Variants in CENPP observed in about 807,000 individuals in gnomAD.
The protein encoded by CENPP is centromere protein P.
In CENPP, 24 loss-of-function variants were observed where a neutral mutation model predicts 35.6. That is an observed-to-expected ratio of 0.67 (90% CI 0.49 to 0.95). The LOEUF is 0.95. Ranked by LOEUF, CENPP falls within the 40% of genes least tolerant of loss-of-function variation. The probability of loss-of-function intolerance (pLI) is 0.00; values close to 1 mark genes in which losing one functional copy is unlikely to be tolerated. For synonymous variants in CENPP, 120 were observed against 125.5 expected (o/e 0.96, Z 0.29); for missense variants, 332 against 345.3 (o/e 0.96, Z 0.31).
In CENPP at chr9:92,522,232, A is replaced by C. The variant is rs1426961249; in HGVS notation, c.565-89082A>C. ...CTCCCGAGTAGCTGGGATTACAGGT[A>C]CATGCCACCACACCCGGCTAATTTT... is the stretch of plus-strand genomic sequence containing the variant. On this transcript the variant is annotated intron_variant, in intron 5 of 7. Coordinates refer to ENST00000375587, the MANE Select transcript of CENPP (RefSeq NM_001012267.3). 2.0e-5 allele frequency among the ~76,000 whole-genome samples: 3 copies of C among 151,844 alleles called. No individual in the cohort carries two copies. The East Asian group carries it at 5.8e-4, about 29-fold the overall frequency.
intron 5 of CENPP, among the ~76,000 whole-genome samples, chr9:92,396,257 CTGTACCTT>C (rs1312988191): frequency 6.6e-6 from 1 of 152,042 alleles, no homozygotes; most frequent in African/African-American, 2.4e-5. Context: ...GTCTTGATTC[CTGTACCTT>C]TGTAACAGTC....
chr9:92,416,563 T>A, intron 5 of CENPP: 1 of 1,134,850 alleles, frequency 8.8e-7, no homozygotes, highest in East Asian at 2.5e-5. Context: ...TTTTTTTCTT[T>A]AAAAGATCAG....
At position 92,365,963 on chromosome 9, in the gene CENPP, G is replaced by A. The variant is rs542292024; in HGVS notation, c.468-13800G>A. ...TGGGAGGCCAAGGCGGGCGGATCAC[G>A]AGGTCAGGAGATCGAGACCATCCTG... On this transcript the variant is annotated intron_variant, in intron 4 of 7. Transcript: ENST00000375587. Among the ~76,000 whole-genome samples, 941 of 151,474 alleles carry A rather than the reference G, an allele frequency of 6.2e-3. 10 individuals carry two copies. The highest frequency in any genetic ancestry group is 0.022 in the African/African-American group (896 of 41,422).
Position 92,371,637 on chromosome 9 carries a change from G to A in CENPP, c.468-8126G>A, listed in dbSNP as rs1842006322. Among the ~76,000 whole-genome samples, 5 of 152,226 alleles carry A rather than the reference G, an allele frequency of 3.3e-5. No individual in the cohort carries two copies. In the Middle Eastern group the frequency reaches 0.014, roughly 414 times the overall value. On this transcript the variant is annotated intron_variant, in intron 4 of 7. Transcript: ENST00000375587. Reference sequence around the variant, plus strand: ...GTCTGTTAGGTCCATTTGGTCTAAAGTCCAATTTAAATCCAATGTTTTTTG... The same window carrying A: ...GTCTGTTAGGTCCATTTGGTCTAAAATCCAATTTAAATCCAATGTTTTTTG...
intron 5 of CENPP, among the ~76,000 whole-genome samples, chr9:92,597,471 T>G (rs1471863116): frequency 1.3e-5 from 2 of 152,220 alleles, no homozygotes; most frequent in African/African-American, 2.4e-5. Flanking sequence ...ACAGCATTAC[T>G]TTGAGATTTA....
At chr9:92,517,606 TA>T in intron 5 of CENPP, 1 of 1,578,898 alleles carries the variant, frequency 6.3e-7, no homozygotes, top group South Asian at 1.1e-5. Flanking sequence ...ATCATAATTT[TA>T]ATCTAAAATT....
chr9:92,561,571 A>G (rs1426246179), intron 5 of CENPP, among the ~76,000 whole-genome samples: 1 of 152,218 alleles, frequency 6.6e-6, no homozygotes, highest in Admixed American at 6.5e-5. Flanking sequence ...AGAAAACCAC[A>G]TTTGGCATTT....
At position 92,616,963 on chromosome 9, in the gene CENPP, G is replaced by C. The variant is rs937056130; in HGVS notation, c.*3814G>C. ...ACTTCAAAAGCTCCTGCCGAGGAGA[G>C]GAAATACTGATCAGCACGTCCCTGC... is the stretch of plus-strand genomic sequence containing the variant. On this transcript the variant is annotated 3_prime_UTR_variant, in exon 8 of 8. Transcript: ENST00000375587. The C allele has an allele frequency of 6.6e-6, 1 of 152,208 alleles. No homozygotes were observed. The highest frequency in any genetic ancestry group is 1.5e-5 in the Non-Finnish European group (1 of 68,060). 9.4% of individuals were successfully genotyped at this position (152,208 alleles called of 1,614,324 possible).
At chr9:92,345,612 G>A in intron 3 of CENPP, 87 bp from the exon 4 acceptor site, 1 of 707,602 alleles carries the variant, frequency 1.4e-6, no homozygotes, top group East Asian at 2.7e-5. Flanking sequence ...TTTATTTGGT[G>A]GCATTTCATT....
chr9:92,500,927 G>A (rs1414024078), intron 5 of CENPP: 3 of 1,614,040 alleles, frequency 1.9e-6, no homozygotes, highest in African/African-American at 1.3e-5. Flanking sequence ...GTTCCATGTG[G>A]CCAAACACAT....
chr9:92,348,439 C>A (rs1841358989), intron 4 of CENPP, among the ~76,000 whole-genome samples: 1 of 148,826 alleles, frequency 6.7e-6, no homozygotes, highest in African/African-American at 2.5e-5. Context: ...TTTGCCCAGG[C>A]TGGAGTGCGA....
At chr9:92,600,261 C>T in intron 5 of CENPP, 1 of 1,396,840 alleles carries the variant, frequency 7.2e-7, no homozygotes. Context: ...CTGTCATTTG[C>T]TGTCTCCTGC....
At chr9:92,611,209 G>A (rs998820167) in intron 5 of CENPP, 105 bp from the exon 6 acceptor site, 12 of 892,778 alleles carry the variant, frequency 1.3e-5, no homozygotes, top group South Asian at 5.6e-5. Context: ...GCAAACACTC[G>A]GACCCTGATT....
At chr9:92,466,388 A>C (rs1845313576) in intron 5 of CENPP, 1 of 1,608,724 alleles carries the variant, frequency 6.2e-7, no homozygotes, top group South Asian at 1.1e-5. Context: ...ATTCCTTTGA[A>C]TGTGTCCTTT....
chr9:92,370,730 C>T (rs755573331), intron 4 of CENPP, among the ~76,000 whole-genome samples: 6 of 152,206 alleles, frequency 3.9e-5, no homozygotes, highest in Non-Finnish European at 5.9e-5. Flanking sequence ...GATCCACCTG[C>T]CTCAGCCTGC....
intron 5 of CENPP, among the ~76,000 whole-genome samples, chr9:92,437,326 T>C (rs1282327804): frequency 1.3e-5 from 2 of 152,222 alleles, no homozygotes; most frequent in Non-Finnish European, 2.9e-5. Flanking sequence ...TTGTATATTC[T>C]GGATATAAGT....
At chr9:92,484,560 T>C (rs1846011696) in intron 5 of CENPP, among the ~76,000 whole-genome samples, 1 of 152,218 alleles carries the variant, frequency 6.6e-6, no homozygotes. Context: ...AGTCTGTCAT[T>C]TGGGGGTCAT....
chr9:92,354,577 C>G (rs1490552994), intron 4 of CENPP, among the ~76,000 whole-genome samples: 1 of 152,172 alleles, frequency 6.6e-6, no homozygotes, highest in Non-Finnish European at 1.5e-5. Flanking sequence ...CCAGGCTGGT[C>G]TTGAACTCCT....
At chr9:92,446,474 T>A (rs534069452) in intron 5 of CENPP, among the ~76,000 whole-genome samples, 1 of 152,304 alleles carries the variant, frequency 6.6e-6, no homozygotes, top group Non-Finnish European at 1.5e-5. Context: ...CTCTGTGTAA[T>A]GTAGAATATA....
Sources: allele counts gnomAD v4.1 joint callset (sites outside exome capture counted in the v4.1 genomes callset), GRCh38; gene constraint gnomAD v4.1.1; transcripts MANE v1.5; gene names NCBI Gene and HGNC (gene_info 2026-07-23, HGNC 2026-07-21).